The following SYT1 variants were observed in gnomAD, a reference collection of about 807,000 sequenced individuals.
The protein encoded by SYT1 is synaptotagmin 1.
SYT1 carries 8 observed loss-of-function variants against 44.8 expected under a neutral mutation model. The ratio of observed to expected loss-of-function variants is 0.18; its 90% confidence interval spans 0.10 to 0.32. The LOEUF is 0.32. Ranked by LOEUF, SYT1 falls within the 10% of genes least tolerant of loss-of-function variation. SYT1 has a pLI of 1.00. For missense variants in SYT1, 286 were observed against 509.3 expected (o/e 0.56, Z 4.22); for synonymous variants, 154 against 188.8 (o/e 0.82, Z 1.51).
chr12:79,409,394 G>A (rs1474408114), intron 9 of SYT1, among the ~76,000 whole-genome samples: 1 of 152,044 alleles, frequency 6.6e-6, no homozygotes, highest in Non-Finnish European at 1.5e-5. Context: ...AAGTATTGCA[G>A]TATCAGTTTG....
rs183512538 is a variant in SYT1, at chr12:79,304,908, C to A, written c.810+5357C>A. ...CATGGGACTTGGAACATATTGATTT[C>A]CCTTTAAACTGCTACAGAAGTATAG... On this transcript the variant is annotated intron_variant, in intron 8 of 10. Coordinates refer to ENST00000261205, the MANE Select transcript of SYT1 (RefSeq NM_005639.3). 9.9e-5 allele frequency among the ~76,000 whole-genome samples: 15 copies of A among 152,130 alleles called. No homozygotes were observed. In the East Asian group the frequency reaches 2.9e-3, roughly 29 times the overall value.
At chr12:79,085,687 A>C (rs1282361975) in intron 3 of SYT1, among the ~76,000 whole-genome samples, 1 of 152,166 alleles carries the variant, frequency 6.6e-6, no homozygotes, top group Non-Finnish European at 1.5e-5. Flanking sequence ...TCACCTCTCC[A>C]GGCTCCAGTT....
At chr12:79,281,927 T>C (rs1020924284) in intron 4 of SYT1, among the ~76,000 whole-genome samples, 1 of 152,178 alleles carries the variant, frequency 6.6e-6, no homozygotes, top group Non-Finnish European at 1.5e-5. Context: ...GCAGGGCCAA[T>C]TCTCTCTTGA....
At chr12:79,256,882 G>T (rs1283598374) in intron 4 of SYT1, among the ~76,000 whole-genome samples, 1 of 152,148 alleles carries the variant, frequency 6.6e-6, no homozygotes, top group African/African-American at 2.4e-5. Context: ...TTTACGCAGG[G>T]TATACCCATG....
At chr12:79,050,059 T>C (rs1437526739) in intron 3 of SYT1, among the ~76,000 whole-genome samples, 3 of 152,022 alleles carry the variant, frequency 2.0e-5, no homozygotes, top group Non-Finnish European at 4.4e-5. Context: ...ATGGTTAACT[T>C]TTAACTCCTC....
At chr12:79,411,646 G>T (rs2136135550) in intron 9 of SYT1, among the ~76,000 whole-genome samples, 1 of 151,742 alleles carries the variant, frequency 6.6e-6, no homozygotes, top group South Asian at 2.1e-4. Flanking sequence ...TGTTTACATA[G>T]AAATATATAT....
At chr12:79,044,268 C>G (rs138916269) in intron 2 of SYT1, among the ~76,000 whole-genome samples, 25,107 of 152,068 alleles carry the variant, frequency 0.17, 2,079 homozygotes, top group South Asian at 0.24. Flanking sequence ...GTACACCAGT[C>G]AGACGTAGAC....
chr12:78,913,957 T>G (rs1410737152), intron 1 of SYT1, among the ~76,000 whole-genome samples: 3 of 151,830 alleles, frequency 2.0e-5, no homozygotes, highest in African/African-American at 7.2e-5. Context: ...TGGGTTTGCC[T>G]TGAGAAAATC....
chr12:79,363,133 A>G (rs1883384486), intron 9 of SYT1, among the ~76,000 whole-genome samples: 2 of 152,174 alleles, frequency 1.3e-5, no homozygotes, highest in Admixed American at 6.5e-5. Flanking sequence ...GTATACAGAA[A>G]AAAAAATAAG....
chr12:79,181,807 C>G (rs1056240127), intron 3 of SYT1, among the ~76,000 whole-genome samples: 2 of 152,066 alleles, frequency 1.3e-5, no homozygotes, highest in East Asian at 3.9e-4. Context: ...TTTTAGTTCA[C>G]ATGAAGACCA....
chr12:79,261,596 T>G (rs927747770), intron 4 of SYT1, among the ~76,000 whole-genome samples: 2 of 152,196 alleles, frequency 1.3e-5, no homozygotes, highest in Non-Finnish European at 2.9e-5. Flanking sequence ...TTTTAAATGT[T>G]ACCAAGGAAT....
intron 8 of SYT1, among the ~76,000 whole-genome samples, chr12:79,302,648 CCCCAGGTGGAAA>C (rs1184791441): frequency 7.2e-4 from 110 of 152,200 alleles, no homozygotes; most frequent in Admixed American, 1.6e-3. Context: ...TCGATTCTAT[CCCCAGGTGGAAA>C]CATCACTGGT....
At chr12:79,005,636 G>A (rs1232856361) in intron 2 of SYT1, among the ~76,000 whole-genome samples, 4 of 152,008 alleles carry the variant, frequency 2.6e-5, no homozygotes, top group Non-Finnish European at 5.9e-5. Flanking sequence ...ACTAGACATG[G>A]TCCTTAATAT....
intron 3 of SYT1, among the ~76,000 whole-genome samples, chr12:79,113,620 A>G (rs1879130099): frequency 1.3e-5 from 2 of 152,140 alleles, no homozygotes; most frequent in African/African-American, 4.8e-5. Context: ...GTGCTTTCCA[A>G]ACTTATTTGA....
In SYT1 at chr12:78,864,967, C is replaced by T. The variant is rs1031992073; in HGVS notation, c.-359C>T. On this transcript the variant is annotated 5_prime_UTR_variant, in exon 1 of 11. Coordinates refer to ENST00000261205, the MANE Select transcript of SYT1 (RefSeq NM_005639.3). ...GTGGCCCTGGAAAACCTCCCACACACCCACACCCACACACCCCTTTTGTGT... is the reference window on the plus strand; with the variant it reads ...GTGGCCCTGGAAAACCTCCCACACATCCACACCCACACACCCCTTTTGTGT... 5 of 152,298 alleles carry T rather than the reference C, an allele frequency of 3.3e-5. No individual in the cohort carries two copies. Among genetic ancestry groups the T allele is most frequent in the African/African-American group, 9.7e-5 (4 of 41,416 alleles). The allele number at this position is 152,298 out of a possible 1,614,324, so 9.4% of individuals were successfully genotyped here.
chr12:79,136,397 T>C (rs1869191181), intron 3 of SYT1, among the ~76,000 whole-genome samples: 1 of 152,208 alleles, frequency 6.6e-6, no homozygotes, highest in South Asian at 2.1e-4. Flanking sequence ...TGGAACCCAA[T>C]GTACTGACCC....
intron 4 of SYT1, among the ~76,000 whole-genome samples, chr12:79,272,028 C>T (rs898405557): frequency 5.9e-5 from 9 of 151,932 alleles, no homozygotes; most frequent in South Asian, 2.1e-4. Context: ...CAGATGTATC[C>T]GATATTTTTA....
chr12:79,393,850 G>C (rs1718099745), intron 9 of SYT1: 1 of 151,980 alleles, frequency 6.6e-6, no homozygotes, highest in Admixed American at 6.6e-5. Context: ...CCATCTGAAA[G>C]CATTTCTTTA....
intron 3 of SYT1, among the ~76,000 whole-genome samples, chr12:79,210,124 T>C (rs1019321543): frequency 1.3e-5 from 2 of 152,170 alleles, no homozygotes. Context: ...GATCTAGAGA[T>C]AGGTATAATT....
Sources: gnomAD v4.1 joint callset for allele counts (sites outside exome capture counted in the v4.1 genomes callset) on GRCh38, gnomAD v4.1.1 for gene constraint, MANE v1.5 for transcripts, NCBI Gene and HGNC (gene_info 2026-07-23, HGNC 2026-07-21) for gene names.